INPP5B: variants seen among roughly 807,000 people sequenced by gnomAD.
INPP5B encodes the protein type II inositol 1,4,5-trisphosphate 5-phosphatase.
Under a neutral mutation model 118.5 loss-of-function variants are expected in INPP5B, and 90 were observed. The observed-to-expected ratio is 0.76, with a 90% CI of 0.64 to 0.90. INPP5B has a LOEUF of 0.90. Among genes scored for constraint, INPP5B ranks in the 40% least tolerant of loss-of-function variants. INPP5B has a pLI of 0.00. For missense variants in INPP5B, 984 were observed against 1,125.6 expected (o/e 0.87, Z 1.80); for synonymous variants, 385 against 418.9 (o/e 0.92, Z 0.99).
In INPP5B at chr1:37,936,694, C is replaced by T. The variant is rs576735114; in HGVS notation, c.391+3994G>A. ...GCTAAGGAAGCACTAGAGCAAAACA[C>T]GCAAGGGCTCAGGCTCTGGAGCAGA... is the stretch of plus-strand genomic sequence containing the variant. On this transcript the variant is annotated intron_variant, in intron 6 of 23. Coordinates refer to ENST00000373024, the MANE Select transcript of INPP5B (RefSeq NM_005540.3). Among the ~76,000 whole-genome samples the T allele has an allele frequency of 9.9e-5, 15 of 151,622 alleles. No homozygotes were observed. In the South Asian group the frequency reaches 1.5e-3, roughly 15 times the overall value.
chr1:37,872,564 T>G (rs1253697868), intron 19 of INPP5B, among the ~76,000 whole-genome samples: 1 of 151,662 alleles, frequency 6.6e-6, no homozygotes, highest in African/African-American at 2.4e-5. Context: ...GCCTTCTGAA[T>G]GATGAGTCCA....
At chr1:37,934,444 G>A (rs1320873173) in intron 6 of INPP5B, among the ~76,000 whole-genome samples, 1 of 152,162 alleles carries the variant, frequency 6.6e-6, no homozygotes, top group Non-Finnish European at 1.5e-5. Flanking sequence ...TCTCTTGTTA[G>A]CTGATGTTTC....
In INPP5B at chr1:37,945,817, G is replaced by C. The variant is rs182465254; in HGVS notation, c.91C>G (p.Arg31Gly). The C allele has an allele frequency of 4.8e-5, 78 of 1,613,886 alleles. No homozygotes were observed. Among genetic ancestry groups the C allele is most frequent in the Non-Finnish European group, 6.3e-5 (74 of 1,180,014 alleles). Residue 31 changes from arginine to glycine, a missense_variant, in exon 3 of 24, where the codon CGG becomes GGG. Transcript: ENST00000373024. ...ACGAGTCCCAGGAGGCGGCTCTGCC[G>C]GCTGTCCCCCTCACACAGCACACCT... Reference protein sequence around the residue: ...VQGVLCEGDSRQSRLLGLVRY... With the variant: ...VQGVLCEGDSGQSRLLGLVRY...
At chr1:37,896,482 C>G (rs1182500226) in intron 7 of INPP5B, among the ~76,000 whole-genome samples, 2 of 148,732 alleles carry the variant, frequency 1.3e-5, no homozygotes, top group African/African-American at 5.0e-5. Context: ...GGGGGATCAG[C>G]CCCCCGCCCG....
intron 7 of INPP5B, among the ~76,000 whole-genome samples, chr1:37,919,948 AC>A (rs1216454553): frequency 6.6e-6 from 1 of 152,194 alleles, no homozygotes; most frequent in Non-Finnish European, 1.5e-5. Flanking sequence ...TCTTAAAAAA[AC>A]AAACAAACAA....
chr1:37,871,058 G>A (rs1335875724), intron 19 of INPP5B, among the ~76,000 whole-genome samples: 1 of 151,094 alleles, frequency 6.6e-6, no homozygotes, highest in East Asian at 1.9e-4. Context: ...TGGGGAGGCT[G>A]AGGCACAAGA....
At chr1:37,925,139 A>T (rs942166806) in intron 7 of INPP5B, among the ~76,000 whole-genome samples, 3 of 152,144 alleles carry the variant, frequency 2.0e-5, no homozygotes, top group African/African-American at 7.2e-5. Context: ...ACACCACTGC[A>T]CTCCAGCCTG....
At chr1:37,932,478 C>G (rs766596195) in intron 6 of INPP5B, among the ~76,000 whole-genome samples, 1 of 150,474 alleles carries the variant, frequency 6.6e-6, no homozygotes. Flanking sequence ...AAGCGATTCT[C>G]CTGCCTCAGC....
At chr1:37,943,711 A>T in intron 4 of INPP5B, 42 bp from the exon 5 acceptor site, 1 of 1,612,876 alleles carries the variant, frequency 6.2e-7, no homozygotes, top group Non-Finnish European at 8.5e-7. Flanking sequence ...AATTGAGCTT[A>T]CTCCCCCTTG....
rs1185327026 is a variant in INPP5B at position 37,866,527 on chromosome 1, T to G, written c.2318A>C (p.Gln773Pro). The G allele has an allele frequency of 6.2e-7, 1 of 1,606,628 alleles. No individual in the cohort carries two copies. Among genetic ancestry groups the G allele is most frequent in the South Asian group, 1.1e-5 (1 of 90,928 alleles). The change falls in exon 21 of 24, where the codon CAA (glutamine) becomes CCA (proline). Residue 773 changes from glutamine (Q) to proline (P), a missense_variant. Gln to Pro is a moderately conservative substitution (Grantham distance 76). Transcript: ENST00000373024. Reference sequence around the variant, plus strand: ...TTCAAATTCTGACCTCAGGCCTGGTTGCTGAAACAGATCTTCCTGCAAAAG... The same window carrying G: ...TTCAAATTCTGACCTCAGGCCTGGTGGCTGAAACAGATCTTCCTGCAAAAG... ...NAVQQEDLFQ[Q>P]PGLRSEFEHI...
chr1:37,897,604 C>T (rs903130672), intron 7 of INPP5B, among the ~76,000 whole-genome samples: 1 of 150,540 alleles, frequency 6.6e-6, no homozygotes, highest in African/African-American at 2.4e-5. Flanking sequence ...TGCGGAAGGC[C>T]GAAGGGTCCT....
At chr1:37,932,735 A>G (rs2148667272) in intron 6 of INPP5B, among the ~76,000 whole-genome samples, 2 of 152,328 alleles carry the variant, frequency 1.3e-5, no homozygotes, top group Middle Eastern at 6.8e-3. Context: ...CAGAGTGACT[A>G]GCAGAGTGGA....
Position 37,873,120 on chromosome 1 carries a change from G to A in INPP5B, c.1997C>T (p.Thr666Ile). The change falls in exon 19 of 24, where the codon ACA becomes ATA. Residue 666 changes from threonine to isoleucine, a missense_variant. Thr to Ile is a moderately conservative substitution (Grantham distance 89). Coordinates refer to ENST00000373024, the MANE Select transcript of INPP5B (RefSeq NM_005540.3). ...TTCACCCGAGTTGAGCTTTGTAGCT[G>A]TCATCTTATTTACGAAGAGCTCCAA... Reference protein sequence around the residue: ...IDLELFVNKMTATKLNSGEDK... With the variant: ...IDLELFVNKMIATKLNSGEDK... The A allele has an allele frequency of 6.2e-7, 1 of 1,614,028 alleles. No homozygotes were observed. The highest frequency in any genetic ancestry group is 8.5e-7 in the Non-Finnish European group (1 of 1,179,934).
intron 6 of INPP5B, among the ~76,000 whole-genome samples, chr1:37,934,401 A>G (rs1300658060): frequency 1.3e-5 from 2 of 152,210 alleles, no homozygotes; most frequent in Non-Finnish European, 2.9e-5. Flanking sequence ...TCTGGCACAC[A>G]GTAGGTGCTC....
At chr1:37,871,645 G>GT (rs1642448343) in intron 19 of INPP5B, among the ~76,000 whole-genome samples, 1 of 151,944 alleles carries the variant, frequency 6.6e-6, no homozygotes, top group Non-Finnish European at 1.5e-5. Context: ...GCTCACGCCT[G>GT]TAATCCTAGC....
Position 37,891,365 on chromosome 1 carries a change from G to A in INPP5B, c.622C>T (p.Gln208Ter). 1 of 1,613,020 alleles carries A rather than the reference G, an allele frequency of 6.2e-7. No homozygotes were observed. The highest frequency in any genetic ancestry group is 8.5e-7 in the Non-Finnish European group (1 of 1,179,010). The change falls in exon 8 of 24, where the codon CAA (glutamine) becomes TAA (stop). Residue 208 changes from glutamine (Q) to a stop codon, truncating the protein, a stop_gained. Coordinates refer to ENST00000373024, the MANE Select transcript of INPP5B (RefSeq NM_005540.3). LOFTEE classifies it high-confidence loss of function. ...AAGGGAGAGTTGCATTACCTTGGTT[G>A]CAAGCTTTCTGGTTTATCTTGACCC... ...SRGQDKPESLQPRQNKSKSEI... is the reference protein window; with the variant it reads ...SRGQDKPESL
intron 13 of INPP5B, 74 bp downstream of exon 13, chr1:37,885,564 C>A: frequency 7.5e-7 from 1 of 1,328,884 alleles, no homozygotes; most frequent in Non-Finnish European, 1.1e-6. Context: ...CACCAGGCAT[C>A]TCCCCATGAA....
intron 7 of INPP5B, among the ~76,000 whole-genome samples, chr1:37,912,949 T>TAAA (rs35906062): frequency 7.0e-6 from 1 of 143,528 alleles, no homozygotes; most frequent in Admixed American, 7.0e-5. Context: ...TACTCACTGC[T>TAAA]AAAAAAAAAA....
At chr1:37,863,418 G>C (rs1000898155) in intron 23 of INPP5B, among the ~76,000 whole-genome samples, 4 of 152,118 alleles carry the variant, frequency 2.6e-5, no homozygotes, top group Non-Finnish European at 5.9e-5. Flanking sequence ...GGGAGGCTGA[G>C]GCAGGAGAAT....
Sources: gnomAD v4.1 joint callset for allele counts (sites outside exome capture counted in the v4.1 genomes callset) on GRCh38, gnomAD v4.1.1 for gene constraint, MANE v1.5 for transcripts, NCBI Gene and HGNC (gene_info 2026-07-23, HGNC 2026-07-21) for gene names.